The following EDIL3 variants were observed in gnomAD, a reference collection of about 807,000 sequenced individuals.
The protein encoded by EDIL3 is EGF like and discoidin domains 3, also known as EGF-like repeat and discoidin I-like domain-containing protein 3.
In EDIL3, 37 loss-of-function variants were observed where a neutral mutation model predicts 67.4. That is an observed-to-expected ratio of 0.55 (90% CI 0.42 to 0.72). The LOEUF is 0.72. EDIL3 is among the 30% of genes least tolerant of loss of function. The probability of loss-of-function intolerance (pLI) is 0.00; values close to 1 mark genes in which losing one functional copy is unlikely to be tolerated. For synonymous variants in EDIL3, 195 were observed against 196.3 expected (o/e 0.99, Z 0.05); for missense variants, 527 against 586.3 (o/e 0.90, Z 1.04).
At chr5:84,340,476 C>T (rs890277274) in intron 1 of EDIL3, among the ~76,000 whole-genome samples, 3 of 140,914 alleles carry the variant, frequency 2.1e-5, no homozygotes, top group African/African-American at 7.9e-5. Context: ...ATTATTATTA[C>T]CCATGGAATT....
At chr5:84,113,851 C>T (rs965933387) in intron 5 of EDIL3, among the ~76,000 whole-genome samples, 3 of 152,190 alleles carry the variant, frequency 2.0e-5, no homozygotes, top group South Asian at 4.1e-4. Context: ...TCCAGTCCTC[C>T]CTTTCTCCGA....
rs1745838286 is a variant in EDIL3, at chr5:84,027,546, T to TTTTATTTTATTTTA, written c.1137+32753_1137+32754insTAAAATAAAATAAA. Among the ~76,000 whole-genome samples, 17 of 146,212 alleles carry TTTTATTTTATTTTA rather than the reference T, an allele frequency of 1.2e-4. No homozygotes were observed. The Admixed American group carries it at 1.2e-3, about 10-fold the overall frequency. On this transcript the variant is annotated intron_variant, in intron 9 of 10. Transcript: ENST00000296591. ...AGTGCTTTTTATGGGACACCATCCA[T>TTTTATTTTATTTTA]TTTTATTTTATTTTATTTTATTTTA... is the stretch of plus-strand genomic sequence containing the variant.
intron 9 of EDIL3, among the ~76,000 whole-genome samples, chr5:83,964,435 C>T (rs977816901): frequency 6.6e-6 from 1 of 151,870 alleles, no homozygotes; most frequent in Admixed American, 6.6e-5. Context: ...CTGTCATGAT[C>T]CCATGTGTGA....
At chr5:84,327,710 A>G (rs1394547748) in intron 1 of EDIL3, among the ~76,000 whole-genome samples, 2 of 152,040 alleles carry the variant, frequency 1.3e-5, no homozygotes, top group African/African-American at 4.8e-5. Flanking sequence ...CAACTTCCCA[A>G]GACCACTTTT....
chr5:84,283,039 CT>C (rs542928989), intron 1 of EDIL3, among the ~76,000 whole-genome samples: 2,042 of 144,822 alleles, frequency 0.014, 28 homozygotes, highest in Non-Finnish European at 0.02. Flanking sequence ...GCATCTATTT[CT>C]TTTTTTTTTT....
At chr5:84,060,235 A>G in intron 9 of EDIL3, 65 bp downstream of exon 9, 1 of 1,571,458 alleles carries the variant, frequency 6.4e-7, no homozygotes, top group Non-Finnish European at 8.7e-7. Context: ...ACACTCACCT[A>G]ATCAACAGGA....
At chr5:84,197,435 G>T (rs1477449418) in intron 3 of EDIL3, among the ~76,000 whole-genome samples, 1 of 151,876 alleles carries the variant, frequency 6.6e-6, no homozygotes, top group Non-Finnish European at 1.5e-5. Flanking sequence ...ACGACTCAAA[G>T]TTAAGTAAAG....
chr5:84,319,304 CA>C (rs1361697138), intron 1 of EDIL3, among the ~76,000 whole-genome samples: 12 of 93,710 alleles, frequency 1.3e-4, no homozygotes, highest in East Asian at 2.3e-4. Context: ...ACTAAAAATA[CA>C]AAAAAAAAAT....
intron 5 of EDIL3, among the ~76,000 whole-genome samples, chr5:84,112,791 C>T (rs1457163852): frequency 6.6e-6 from 1 of 152,152 alleles, no homozygotes; most frequent in Non-Finnish European, 1.5e-5. Flanking sequence ...CAGTATCTAG[C>T]AGCAAGCTTC....
chr5:84,319,494 CAAAAAA>C (rs55738450), intron 1 of EDIL3, among the ~76,000 whole-genome samples: 1,338 of 42,944 alleles, frequency 0.031, 14 homozygotes, highest in Middle Eastern at 0.045. Flanking sequence ...CAAAAAACAA[CAAAAAA>C]AAAAAAAAAA....
intron 4 of EDIL3, among the ~76,000 whole-genome samples, chr5:84,158,995 T>C (rs1748541740): frequency 6.6e-6 from 1 of 152,052 alleles, no homozygotes; most frequent in African/African-American, 2.4e-5. Context: ...CTATTCCCTG[T>C]GGTGCCTATA....
At chr5:84,383,642 C>A (rs1286076471) in intron 1 of EDIL3, among the ~76,000 whole-genome samples, 1 of 152,132 alleles carries the variant, frequency 6.6e-6, no homozygotes, top group Non-Finnish European at 1.5e-5. Flanking sequence ...CAGCTAAGCT[C>A]CAGGCCCCTG....
intron 1 of EDIL3, among the ~76,000 whole-genome samples, chr5:84,333,120 A>T (rs75234594): frequency 1.8e-4 from 28 of 152,172 alleles, no homozygotes; most frequent in Admixed American, 1.8e-3. Flanking sequence ...ACTAAAAGAT[A>T]AGTATAATTT....
At chr5:84,190,579 G>GTGTGTGTGTGTGTGTGTGTA (rs1456078500) in intron 3 of EDIL3, among the ~76,000 whole-genome samples, 1 of 122,070 alleles carries the variant, frequency 8.2e-6, no homozygotes, top group African/African-American at 3.1e-5. Context: ...GTGTGTGTGT[G>GTGTGTGTGTGTGTGTGTGTA]TATATATATA....
intron 5 of EDIL3, among the ~76,000 whole-genome samples, chr5:84,113,163 C>T (rs1201445511): frequency 1.3e-5 from 2 of 152,082 alleles, no homozygotes; most frequent in Non-Finnish European, 2.9e-5. Context: ...AGTGGCAATT[C>T]GATCAATGCT....
intron 6 of EDIL3, among the ~76,000 whole-genome samples, chr5:84,081,118 CA>C (rs1314692899): frequency 2.6e-5 from 4 of 152,178 alleles, no homozygotes; most frequent in Non-Finnish European, 2.9e-5. Flanking sequence ...AATACACCAC[CA>C]GGGGTGAAAG....
At chr5:84,244,772 C>T (rs1744873726) in intron 2 of EDIL3, among the ~76,000 whole-genome samples, 1 of 152,148 alleles carries the variant, frequency 6.6e-6, no homozygotes, top group Non-Finnish European at 1.5e-5. Flanking sequence ...CTGTTCCATA[C>T]TTTAGATTGG....
At chr5:84,151,938 G>A (rs893710650) in intron 4 of EDIL3, among the ~76,000 whole-genome samples, 2 of 148,908 alleles carry the variant, frequency 1.3e-5, no homozygotes, top group African/African-American at 5.0e-5. Context: ...TTTTGAGATG[G>A]ACTCTAGATC....
intron 1 of EDIL3, among the ~76,000 whole-genome samples, chr5:84,264,742 T>C (rs557778094): frequency 4.5e-4 from 69 of 152,302 alleles, no homozygotes; most frequent in African/African-American, 1.6e-3. Flanking sequence ...AACTAAAATA[T>C]TGAATTTAGC....
Sources: allele counts gnomAD v4.1 joint callset (sites outside exome capture counted in the v4.1 genomes callset), GRCh38; gene constraint gnomAD v4.1.1; transcripts MANE v1.5; gene names NCBI Gene and HGNC (gene_info 2026-07-23, HGNC 2026-07-21).